Variants in ADGRF1 observed in about 807,000 individuals in gnomAD.
ADGRF1 encodes the protein adhesion G protein-coupled receptor F1.
In ADGRF1, 85 loss-of-function variants were observed where a neutral mutation model predicts 87.2. The observed-to-expected ratio is 0.97, with a 90% CI of 0.82 to 1.17. ADGRF1 has a LOEUF of 1.17. Ranked by LOEUF, ADGRF1 falls within the 50% of genes most tolerant of loss-of-function variation. The pLI, the probability that ADGRF1 is intolerant of heterozygous loss-of-function variation, is 0.00. For synonymous variants in ADGRF1, 430 were observed against 408.8 expected (o/e 1.05, Z -0.63); for missense variants, 1,169 against 1,077.2 (o/e 1.09, Z -1.19).
Position 47,009,243 on chromosome 6 carries a change from T to C in ADGRF1, c.2192A>G (p.Asp731Gly), listed in dbSNP as rs750654197. Residue 731 changes from aspartate (D) to glycine (G), a missense_variant, in exon 11 of 15, where the codon GAT (aspartate) becomes GGT (glycine). Transcript: ENST00000371253. ...TQPSNTYKRKDVCWLNWSNGS... is the reference protein window; with the variant it reads ...TQPSNTYKRKGVCWLNWSNGS... ...ATTGGACCAGTTAAGCCAACACACA[T>C]CTTTCCTTTTGTAGGTATTGCTAGG... 6.2e-7 allele frequency: 1 copy of C among 1,614,136 alleles called. No individual in the cohort carries two copies. Among genetic ancestry groups the C allele is most frequent in the East Asian group, 2.2e-5 (1 of 44,870 alleles).
At position 47,010,058 on chromosome 6, in the gene ADGRF1, G is replaced by A. The variant is rs1366321044; in HGVS notation, c.1377C>T (p.Pro459=). ...IKMCPQNTSI[P]IRGRVLIGSD... is the part of the protein sequence containing the mutation. ...ACCCAATTAACACACGGCCTCTGAT[G>A]GGAATAGATGTATTTTGGGGACACA... Residue 459 remains proline (P), a synonymous_variant, in exon 11 of 15, where the codon CCC becomes CCT. Coordinates refer to ENST00000371253, the MANE Select transcript of ADGRF1 (RefSeq NM_153840.4). 6.8e-6 allele frequency: 11 copies of A among 1,614,090 alleles called. No individual in the cohort carries two copies. The highest frequency in any genetic ancestry group is 9.3e-6 in the Non-Finnish European group (11 of 1,180,006).
At chr6:47,035,151 A>G (rs1182762868) in intron 1 of ADGRF1, among the ~76,000 whole-genome samples, 1 of 152,210 alleles carries the variant, frequency 6.6e-6, no homozygotes, top group Non-Finnish European at 1.5e-5. Flanking sequence ...CTCTATTCCA[A>G]ACCCTTGTAA....
At chr6:47,014,951 G>A in intron 8 of ADGRF1, 107 bp from the exon 9 acceptor site, 1 of 1,376,888 alleles carries the variant, frequency 7.3e-7, no homozygotes, top group Non-Finnish European at 9.5e-7. Context: ...TTTTGGAGAT[G>A]AAATCCAGGC....
chr6:47,009,659 TC>T lies in ADGRF1; in HGVS notation c.1775del (p.Gly592AspfsTer13). 1 of 1,614,162 alleles carries T rather than the reference TC, an allele frequency of 6.2e-7. No homozygotes were observed. The highest frequency in any genetic ancestry group is 8.5e-7 in the Non-Finnish European group (1 of 1,180,022). ...FPVVKWITYV[G>X]LGISIGSLIL... ...TGAGACTTCCAATGGAGATACCCAG[TC>T]CCACATAGGTGATCCATTTTACAAC... On this transcript the variant is annotated frameshift_variant, in exon 11 of 15. Transcript: ENST00000371253. LOFTEE classifies it high-confidence loss of function.
At chr6:47,019,276 AAT>A in intron 7 of ADGRF1, 1 of 962,288 alleles carries the variant, frequency 1.0e-6, no homozygotes, top group Admixed American at 6.2e-5. Context: ...TATAAACCTC[AAT>A]ATAAAAAAAA....
intron 9 of ADGRF1, chr6:47,013,212 C>T (rs1209536658): frequency 1.0e-5 from 10 of 985,420 alleles, no homozygotes; most frequent in African/African-American, 1.7e-5. Flanking sequence ...CGCCATTTTC[C>T]TTCTTGTTCT....
intron 13 of ADGRF1, among the ~76,000 whole-genome samples, chr6:47,003,918 T>C (rs1232037896): frequency 6.6e-6 from 1 of 152,210 alleles, no homozygotes; most frequent in Admixed American, 6.5e-5. Flanking sequence ...AATTTATACA[T>C]GTTGCTCCTC....
At chr6:47,040,626 C>A (rs1316415619) in intron 1 of ADGRF1, among the ~76,000 whole-genome samples, 1 of 152,130 alleles carries the variant, frequency 6.6e-6, no homozygotes, top group Non-Finnish European at 1.5e-5. Flanking sequence ...GGATGCCACT[C>A]CCCCACTTTC....
intron 14 of ADGRF1, 70 bp from the exon 15 acceptor site, chr6:47,000,365 A>G: frequency 8.8e-7 from 1 of 1,131,784 alleles, no homozygotes. Context: ...CAAAATGAAA[A>G]TTAGCCTGTA....
intron 1 of ADGRF1, among the ~76,000 whole-genome samples, chr6:47,030,635 T>C (rs1402406149): frequency 6.7e-6 from 1 of 149,588 alleles, no homozygotes; most frequent in Non-Finnish European, 1.5e-5. Context: ...GGATATTTTC[T>C]ACTTGTTTTT....
intron 1 of ADGRF1, among the ~76,000 whole-genome samples, chr6:47,032,122 C>T (rs1780448179): frequency 6.6e-6 from 1 of 152,130 alleles, no homozygotes; most frequent in African/African-American, 2.4e-5. Flanking sequence ...GGGAAAGCGG[C>T]TGAGGGAGAG....
At position 47,029,084 on chromosome 6, in the gene ADGRF1, A is replaced by T; in HGVS notation, c.-23T>A. The T allele has an allele frequency of 6.2e-7, 1 of 1,603,098 alleles. No individual in the cohort carries two copies. ...CATTTTCCCTGGACTGAACAGCAGCAGTCGGGTGCATAGTCTGTGACTAAA... is the reference window on the plus strand; with the variant it reads ...CATTTTCCCTGGACTGAACAGCAGCTGTCGGGTGCATAGTCTGTGACTAAA... On this transcript the variant is annotated 5_prime_UTR_variant, in exon 2 of 15. Transcript: ENST00000371253.
chr6:47,000,360 T>A, intron 14 of ADGRF1, 65 bp from the exon 15 acceptor site: 3 of 1,191,820 alleles, frequency 2.5e-6, no homozygotes, highest in Non-Finnish European at 3.7e-6. Context: ...GAGACCAAAA[T>A]GAAAATTAGC....
intron 10 of ADGRF1, 76 bp downstream of exon 10, chr6:47,011,931 C>T: frequency 2.2e-6 from 3 of 1,336,394 alleles, no homozygotes; most frequent in Non-Finnish European, 3.1e-6. Flanking sequence ...AATAGTTCCC[C>T]ATATTTAAGG....
rs776842074 is a variant in ADGRF1 at position 47,010,251 on chromosome 6, C to T, written c.1184G>A (p.Arg395Gln). Residue 395 changes from arginine (R) to glutamine (Q), a missense_variant, in exon 11 of 15, where the codon CGG becomes CAG. By Grantham distance (43) the Arg-to-Gln change is conservative. Coordinates refer to ENST00000371253, the MANE Select transcript of ADGRF1 (RefSeq NM_153840.4). ...ASVTNWTVLL[R>Q]EEKYASSRLL... The stretch of plus-strand genomic sequence containing the variant: ...CCGTGAGCTGGCATACTTTTCTTCC[C>T]GCAGTAAGACTGTCCAGTTGGTTAC... 39 of 1,613,698 alleles carry T rather than the reference C, an allele frequency of 2.4e-5. No individual in the cohort carries two copies. Among genetic ancestry groups the T allele is most frequent in the Non-Finnish European group, 3.1e-5 (36 of 1,179,960 alleles).
At chr6:47,022,113 T>A in intron 5 of ADGRF1, 55 bp from the exon 6 acceptor site, 6 of 958,870 alleles carry the variant, frequency 6.3e-6, no homozygotes, top group Non-Finnish European at 9.7e-6. Flanking sequence ...CTTGATTTAC[T>A]AGTAGCATAC....
At chr6:47,020,846 C>T (rs1780026605) in intron 6 of ADGRF1, 57 bp from the exon 7 acceptor site, 2 of 1,391,784 alleles carry the variant, frequency 1.4e-6, no homozygotes, top group Non-Finnish European at 2.0e-6. Context: ...TTCAGAAAGA[C>T]ATTTGAGCAA....
chr6:47,014,569 C>G lies in ADGRF1; in HGVS notation c.927+112G>C, dbSNP rs1779805278. ...TGATGTCATCCTTGCTCTTTGCATACTGGCCAATGATGCACGTAGGTATAC... is the reference window on the plus strand; with the variant it reads ...TGATGTCATCCTTGCTCTTTGCATAGTGGCCAATGATGCACGTAGGTATAC... On this transcript the variant is annotated intron_variant, in intron 9 of 14. Transcript: ENST00000371253. 4 of 1,501,084 alleles carry G rather than the reference C, an allele frequency of 2.7e-6. No individual in the cohort carries two copies. The South Asian group carries it at 4.1e-5, about 15-fold the overall frequency. 93.0% of individuals were successfully genotyped at this position (1,501,084 alleles called of 1,614,324 possible). A position where few individuals can be genotyped will look rare whatever the true frequency, so the allele number is the denominator to read the frequency against.
rs139837781 is a variant in ADGRF1 at position 47,015,573 on chromosome 6, G to A, written c.764-729C>T. On this transcript the variant is annotated intron_variant, in intron 8 of 14. Coordinates refer to ENST00000371253, the MANE Select transcript of ADGRF1 (RefSeq NM_153840.4). ...GTACAGGTGCACACCACGATGCCTG[G>A]CTATTTATTTATTTATTTATTTATT... Among the ~76,000 whole-genome samples, 1,215 of 133,756 alleles carry A rather than the reference G, an allele frequency of 9.1e-3. 17 individuals are homozygous for A. Among genetic ancestry groups the A allele is most frequent in the African/African-American group, 0.042 (1,172 of 27,936 alleles). 87.7% of individuals were successfully genotyped at this position (133,756 alleles called of 152,430 possible).
Sources: allele counts gnomAD v4.1 joint callset (sites outside exome capture counted in the v4.1 genomes callset), GRCh38; gene constraint gnomAD v4.1.1; transcripts MANE v1.5; gene names NCBI Gene and HGNC (gene_info 2026-07-23, HGNC 2026-07-21).